The following COX18 variants were observed in gnomAD, a reference collection of about 807,000 sequenced individuals.
COX18 encodes cytochrome c oxidase assembly protein COX18, mitochondrial.
Under a neutral mutation model 38.0 loss-of-function variants are expected in COX18, and 45 were observed. That is an observed-to-expected ratio of 1.18 (90% CI 0.93 to 1.52). The LOEUF (loss-of-function observed/expected upper bound fraction) is 1.52. Ranked by LOEUF, COX18 falls within the 40% of genes most tolerant of loss-of-function variation. The probability of loss-of-function intolerance (pLI) is 0.00; values close to 1 mark genes in which losing one functional copy is unlikely to be tolerated. For synonymous variants in COX18, 177 were observed against 169.8 expected, an observed-to-expected ratio of 1.04 and a Z score of -0.33; for missense variants, 462 against 423.8, an observed-to-expected ratio of 1.09 and a Z score of -0.79.
chr4:73,067,960 G>A lies in COX18; in HGVS notation c.434+69C>T, dbSNP rs1235553684. ...TTAACATCACAATTTATGTATGTGT[G>A]TGTGTGTGTGTGTGTGTGTGTGTGT... On this transcript the variant is annotated intron_variant, in intron 2 of 5. Coordinates refer to ENST00000507544, the MANE Select transcript of COX18 (RefSeq NM_001297732.2). The A allele has an allele frequency of 2.4e-3, 259 of 108,870 alleles. 1 individual carries two copies. In the East Asian group the frequency reaches 0.044, roughly 19 times the overall value. 6.7% of individuals were successfully genotyped at this position (108,870 alleles called of 1,614,324 possible). A position where few individuals can be genotyped will look rare whatever the true frequency, so the allele number is the denominator to read the frequency against.
Position 73,054,934 on chromosome 4 carries a change from T to C in COX18, c.*3180A>G, listed in dbSNP as rs2110040435. The C allele has an allele frequency of 6.6e-6, 1 of 152,200 alleles. No individual in the cohort carries two copies. Among genetic ancestry groups the C allele is most frequent in the East Asian group, 1.9e-4 (1 of 5,204 alleles). The allele number at this position is 152,200 out of a possible 1,614,324, so 9.4% of individuals were successfully genotyped here. On this transcript the variant is annotated 3_prime_UTR_variant, in exon 6 of 6. Coordinates refer to ENST00000507544, the MANE Select transcript of COX18 (RefSeq NM_001297732.2). ...AGACACTTAACTCTGCAGATTCCGC[T>C]GGATGTCAGGGATTGGGGATAAAGA...
Position 73,068,054 on chromosome 4 carries a change from A to C in COX18, c.409T>G (p.Leu137Val). Residue 137 changes from leucine to valine, a missense_variant, in exon 2 of 6, where the codon TTG (leucine) becomes GTG (valine). Physicochemically the swap from Leu to Val is conservative, Grantham distance 32 (BLOSUM62 1). Coordinates refer to ENST00000507544, the MANE Select transcript of COX18 (RefSeq NM_001297732.2). ...NQEVAVRANQ[L>V]GWSKRDARLT... Reference sequence around the variant, plus strand: ...CTGGCATCTCTTTTGGACCACCCCAACTGATTTGCACGAACTGCAACTTCT... The same window carrying C: ...CTGGCATCTCTTTTGGACCACCCCACCTGATTTGCACGAACTGCAACTTCT... The C allele has an allele frequency of 6.2e-7, 1 of 1,611,470 alleles. No individual in the cohort carries two copies. Among genetic ancestry groups the C allele is most frequent in the Non-Finnish European group, 8.5e-7 (1 of 1,179,260 alleles).
In COX18 at chr4:73,054,965, TACATA is replaced by T. The variant is rs1719834018; in HGVS notation, c.*3144_*3148del. 6.6e-6 allele frequency: 1 copy of T among 152,174 alleles called. No homozygotes were observed. Among genetic ancestry groups the T allele is most frequent in the Non-Finnish European group, 1.5e-5 (1 of 68,040 alleles). The allele number at this position is 152,174 out of a possible 1,614,324, so 9.4% of individuals were successfully genotyped here. A position where few individuals can be genotyped will look rare whatever the true frequency, so the allele number is the denominator to read the frequency against. ...TCAGGGATTGGGGATAAAGACCAAATACATATTTCACAATATCATAGCACGTTATT... is the reference window on the plus strand; with the variant it reads ...TCAGGGATTGGGGATAAAGACCAAATTTTCACAATATCATAGCACGTTATT... On this transcript the variant is annotated 3_prime_UTR_variant, in exon 6 of 6. Transcript: ENST00000507544.
At position 73,061,880 on chromosome 4, in the gene COX18, G is replaced by T. The variant is rs200382047; in HGVS notation, c.764C>A (p.Thr255Lys). 2 of 1,613,262 alleles carry T rather than the reference G, an allele frequency of 1.2e-6. No individual in the cohort carries two copies. Among genetic ancestry groups the T allele is most frequent in the African/African-American group, 1.3e-5 (1 of 74,984 alleles). The stretch of plus-strand genomic sequence containing the variant: ...TGCACGGACAAAGTACGTAATATAC[G>T]TCTGAAAACGAGACATTCCAATTTT... ...LQKIGMSRFQ[T>K]YITYFVRAMS... The change falls in exon 5 of 6, where the codon ACG (threonine) becomes AAG (lysine). Residue 255 changes from threonine to lysine, a missense_variant. Coordinates refer to ENST00000507544, the MANE Select transcript of COX18 (RefSeq NM_001297732.2).
rs750954965 is a variant in COX18, at chr4:73,058,156, G to T, written c.963C>A (p.Asp321Glu). The change falls in exon 6 of 6, where the codon GAC becomes GAA. Residue 321 changes from aspartate to glutamate, a missense_variant. Transcript: ENST00000507544. The part of the protein sequence containing the change: ...TKSDSETPYK[D>E]IFAAFNTKFI... The stretch of plus-strand genomic sequence containing the variant: ...ACTTGGTATTAAAGGCAGCAAATAT[G>T]TCTTTATAAGGAGTTTCTGAATCTG... 1 of 1,608,994 alleles carries T rather than the reference G, an allele frequency of 6.2e-7. No individual in the cohort carries two copies. The highest frequency in any genetic ancestry group is 2.2e-5 in the East Asian group (1 of 44,814).
intron 3 of COX18, 90 bp from the exon 4 acceptor site, chr4:73,064,992 ATAAGGT>A: frequency 7.8e-7 from 1 of 1,277,786 alleles, no homozygotes; most frequent in Non-Finnish European, 1.1e-6. Flanking sequence ...GACAATTCCA[ATAAGGT>A]GTCCCTCACA....
rs151262862 is a variant in COX18, at chr4:73,054,330, T to C, written c.*3784A>G. On this transcript the variant is annotated 3_prime_UTR_variant, in exon 6 of 6. Transcript: ENST00000507544. ...TAGAAATAAGACCACAGACTTGCAA[T>C]TTTCTGAAATACAATACAGATTTTT... is the stretch of plus-strand genomic sequence containing the variant. 4.1e-4 allele frequency: 62 copies of C among 152,336 alleles called. No individual in the cohort carries two copies. Among genetic ancestry groups the C allele is most frequent in the African/African-American group, 1.4e-3 (59 of 41,578 alleles). The allele number at this position is 152,336 out of a possible 1,614,324, so 9.4% of individuals were successfully genotyped here.
rs1025024472 is a variant in COX18, at chr4:73,057,932, A to G, written c.*182T>C. The G allele has an allele frequency of 2.2e-5, 8 of 365,666 alleles. No individual in the cohort carries two copies. The highest frequency in any genetic ancestry group is 4.2e-5 in the African/African-American group (2 of 47,272). The allele number at this position is 365,666 out of a possible 1,614,324, so 22.7% of individuals were successfully genotyped here. A position where few individuals can be genotyped will look rare whatever the true frequency, so the allele number is the denominator to read the frequency against. On this transcript the variant is annotated 3_prime_UTR_variant, in exon 6 of 6. Transcript: ENST00000507544. ...GGTGATCCACCCACCTCGACCTCCC[A>G]AAGTGCTGGGATTACAGGCATGAGC...
At chr4:73,061,657 G>A (rs1364562976) in intron 5 of COX18, among the ~76,000 whole-genome samples, 156 bp downstream of exon 5, 1 of 144,114 alleles carries the variant, frequency 6.9e-6, no homozygotes, top group Admixed American at 7.2e-5. Flanking sequence ...GCAGTGAGCC[G>A]AGATCGCGCC....
Position 73,064,888 on chromosome 4 carries a change from G to A in COX18, c.613C>T (p.Gln205Ter), listed in dbSNP as rs1249414605. 6.2e-7 allele frequency: 1 copy of A among 1,613,542 alleles called. No individual in the cohort carries two copies. Among genetic ancestry groups the A allele is most frequent in the Admixed American group, 1.7e-5 (1 of 60,000 alleles). The change falls in exon 4 of 6, where the codon CAG becomes TAG. Residue 205 changes from glutamine (Q) to a stop codon, truncating the protein, a stop_gained. Transcript: ENST00000507544. LOFTEE classifies it high-confidence loss of function. The stretch of plus-strand genomic sequence containing the variant: ...ATTCCACCAGTAGCTAACTGTTCCT[G>A]AACAGAAAAACCTGCTAAAACAGTT... Reference protein sequence around the residue: ...AAHSEAGFSVQEQLATGGILW... With the variant: ...AAHSEAGFSV
rs905954337 is a variant in COX18, at chr4:73,069,586, C to T, written c.64G>A (p.Asp22Asn). ...PLPALQLWAR[D>N]LPLAPVPTSG... ...GTAGGAACCGGCGCAAGCGGCAGGT[C>T]CCTAGCCCAAAGCTGCAGGGCAGGG... Residue 22 changes from aspartate to asparagine, a missense_variant, in exon 1 of 6, where the codon GAC becomes AAC. By Grantham distance (23) the Asp-to-Asn change is conservative. Coordinates refer to ENST00000507544, the MANE Select transcript of COX18 (RefSeq NM_001297732.2). 1 of 1,560,084 alleles carries T rather than the reference C, an allele frequency of 6.4e-7. No individual in the cohort carries two copies. Among genetic ancestry groups the T allele is most frequent in the Non-Finnish European group, 8.7e-7 (1 of 1,154,196 alleles).
At chr4:73,062,010 G>T in intron 4 of COX18, 90 bp from the exon 5 acceptor site, 4 of 489,322 alleles carry the variant, frequency 8.2e-6, no homozygotes, top group Non-Finnish European at 1.4e-5. Context: ...TTTTTCACTG[G>T]CCTCCATCTA....
chr4:73,063,277 G>A (rs1158389020), intron 4 of COX18, among the ~76,000 whole-genome samples: 1 of 152,148 alleles, frequency 6.6e-6, no homozygotes, highest in East Asian at 1.9e-4. Flanking sequence ...CTGCACTCCA[G>A]CCTAGGAAAC....
chr4:73,065,328 C>A lies in COX18; in HGVS notation c.520G>T (p.Val174Phe), dbSNP rs1560474496. The change falls in exon 3 of 6, where the codon GTT becomes TTT. Residue 174 changes from valine to phenylalanine, a missense_variant. Val to Phe is a conservative substitution (Grantham distance 50, BLOSUM62 -1). Transcript: ENST00000507544. Reference sequence around the variant, plus strand: ...ATCCACATTGGAAGCTGAATCCAAACCAACACAGTGGCTTTGAAAGGGTGG... The same window carrying A: ...ATCCACATTGGAAGCTGAATCCAAAACAACACAGTGGCTTTGAAAGGGTGG... ...NCHPFKATVL[V>F]WIQLPMWIFM... The A allele has an allele frequency of 6.2e-7, 1 of 1,613,876 alleles. No individual in the cohort carries two copies. The highest frequency in any genetic ancestry group is 8.5e-7 in the Non-Finnish European group (1 of 1,179,918).
chr4:73,065,005 C>A, intron 3 of COX18, 103 bp from the exon 4 acceptor site: 1 of 1,180,016 alleles, frequency 8.5e-7, no homozygotes, highest in South Asian at 1.4e-5. Context: ...AGGTGTCCCT[C>A]ACAGGAAAGA....
intron 5 of COX18, 44 bp downstream of exon 5, chr4:73,061,769 A>G (rs1720170843): frequency 9.5e-7 from 1 of 1,057,960 alleles, no homozygotes; most frequent in Non-Finnish European, 1.5e-6. Context: ...CTAAAGTCAG[A>G]GAGGATTTAG....
chr4:73,065,127 C>A (rs1465245555), intron 3 of COX18, 123 bp downstream of exon 3: 3 of 1,013,762 alleles, frequency 3.0e-6, no homozygotes, highest in Non-Finnish European at 4.3e-6. Context: ...AATTCTATAC[C>A]CTTATAAGGA....
Position 73,065,285 on chromosome 4 carries a change from A to G in COX18, c.563T>C (p.Leu188Pro), listed in dbSNP as rs763881902. 1.5e-5 allele frequency: 25 copies of G among 1,613,006 alleles called. No homozygotes were observed. The highest frequency in any genetic ancestry group is 2.1e-5 in the Non-Finnish European group (25 of 1,179,780). ...LPMWIFMSFA[L>P]RNLSTGAAHS... ...TGCTGCCCCCGTGCTTAAATTCCGG[A>G]GAGCAAAAGACATGAAGATCCACAT... The change falls in exon 3 of 6, where the codon CTC (leucine) becomes CCC (proline). Residue 188 changes from leucine (L) to proline (P), a missense_variant. Physicochemically the swap from Leu to Pro is moderately conservative, Grantham distance 98. Transcript: ENST00000507544.
chr4:73,069,515 T>G lies in COX18; in HGVS notation c.135A>C (p.Pro45=), dbSNP rs1232131182. 1 of 1,586,836 alleles carries G rather than the reference T, an allele frequency of 6.3e-7. No individual in the cohort carries two copies. The highest frequency in any genetic ancestry group is 1.3e-5 in the African/African-American group (1 of 74,556). The part of the protein sequence containing the change: ...RPTLPVWAVA[P]VSAVHANGWY... ...AGCCGTTCGCATGTACTGCAGAGAC[T>G]GGTGCCACTGCCCACACTGGGAGAG... Residue 45 remains proline (P), a synonymous_variant, in exon 1 of 6, where the codon CCA becomes CCC. Coordinates refer to ENST00000507544, the MANE Select transcript of COX18 (RefSeq NM_001297732.2).
Sources: gnomAD v4.1 joint callset for allele counts (sites outside exome capture counted in the v4.1 genomes callset) on GRCh38, gnomAD v4.1.1 for gene constraint, MANE v1.5 for transcripts, NCBI Gene and HGNC (gene_info 2026-07-23, HGNC 2026-07-21) for gene names.